The following NRXN1 variants were observed in gnomAD, a reference collection of about 807,000 sequenced individuals.
NRXN1 encodes neurexin 1.
A neutral mutation model predicts 150.9 loss-of-function variants in NRXN1; 39 were observed. That is an observed-to-expected ratio of 0.26 (90% CI 0.20 to 0.34). NRXN1 has a LOEUF of 0.34. Ranked by LOEUF, NRXN1 falls within the 10% of genes least tolerant of loss-of-function variation. The pLI is 1.00. For missense variants in NRXN1, 1,815 were observed against 1,949.9 expected (o/e 0.93, Z 1.30); for synonymous variants, 924 against 757.0 (o/e 1.22, Z -3.62).
At chr2:50,103,763 GA>G (rs1701285654) in intron 18 of NRXN1, among the ~76,000 whole-genome samples, 1 of 151,980 alleles carries the variant, frequency 6.6e-6, no homozygotes, top group Non-Finnish European at 1.5e-5. Flanking sequence ...TGTTTGCCTG[GA>G]AAAGCAAGAG....
intron 18 of NRXN1, among the ~76,000 whole-genome samples, chr2:50,109,124 G>A (rs1223433802): frequency 6.6e-6 from 1 of 152,010 alleles, no homozygotes; most frequent in African/African-American, 2.4e-5. Flanking sequence ...TCTGTGTGAT[G>A]GATACATTAA....
rs527579107 is a variant in NRXN1, at chr2:50,857,819, A to T, written c.832+64050T>A. ...ATAAAAGGCCTAATCAAAATAGATT[A>T]AAAAAAACAGACAATGGAATAAAAT... On this transcript the variant is annotated intron_variant, in intron 5 of 22. Coordinates refer to ENST00000401669, the MANE Select transcript of NRXN1 (RefSeq NM_001330078.2). Among the ~76,000 whole-genome samples, 398 of 66,790 alleles carry T rather than the reference A, an allele frequency of 6.0e-3. 2 individuals are homozygous for T. The highest frequency in any genetic ancestry group is 0.014 in the African/African-American group (370 of 27,050). The allele number at this position is 66,790 out of a possible 152,430, so 43.8% of individuals were successfully genotyped here.
At chr2:51,004,858 A>G (rs996561836) in intron 2 of NRXN1, among the ~76,000 whole-genome samples, 15 of 152,014 alleles carry the variant, frequency 9.9e-5, no homozygotes, top group African/African-American at 3.4e-4. Context: ...AAGTGTGCTT[A>G]GTAAGCACTG....
intron 5 of NRXN1, among the ~76,000 whole-genome samples, chr2:50,766,245 CT>C (rs1256014022): frequency 1.3e-5 from 2 of 151,996 alleles, no homozygotes; most frequent in Non-Finnish European, 2.9e-5. Context: ...GCTAAGCATT[CT>C]CCCCATGATT....
chr2:50,678,583 C>T (rs766949686), intron 5 of NRXN1, among the ~76,000 whole-genome samples: 11 of 152,268 alleles, frequency 7.2e-5, no homozygotes, highest in African/African-American at 1.9e-4. Context: ...TTTCTCGGCA[C>T]CGTTGACATT....
rs1409324320 is a variant in NRXN1 at position 50,373,291 on chromosome 2, TTTTTTATTATTA to T, written c.3364+92139_3364+92150del. ...TCCATATCAGATTTATTTTATTTTA[TTTTTTATTATTA>T]TTATTATTATTATTATTATTATTAT... is the stretch of plus-strand genomic sequence containing the variant. On this transcript the variant is annotated intron_variant, in intron 17 of 22. Transcript: ENST00000401669. Among the ~76,000 whole-genome samples, 159 of 38,786 alleles carry T rather than the reference TTTTTTATTATTA, an allele frequency of 4.1e-3. 4 individuals carry two copies. The East Asian group carries it at 0.14, about 33-fold the overall frequency. 25.4% of individuals were successfully genotyped at this position (38,786 alleles called of 152,430 possible). A position where few individuals can be genotyped will look rare whatever the true frequency, so the allele number is the denominator to read the frequency against.
At chr2:50,462,066 G>A (rs1369703524) in intron 17 of NRXN1, among the ~76,000 whole-genome samples, 2 of 151,894 alleles carry the variant, frequency 1.3e-5, no homozygotes, top group Non-Finnish European at 2.9e-5. Flanking sequence ...TGACTAACTT[G>A]GAGAGTAGTA....
chr2:51,025,832 C>T (rs1252379393), intron 2 of NRXN1, among the ~76,000 whole-genome samples: 1 of 152,130 alleles, frequency 6.6e-6, no homozygotes, highest in African/African-American at 2.4e-5. Context: ...TAGAAATGTA[C>T]TGTTAAAGCT....
chr2:50,970,204 G>A (rs1017926001), intron 2 of NRXN1, among the ~76,000 whole-genome samples: 5 of 152,140 alleles, frequency 3.3e-5, no homozygotes, highest in Non-Finnish European at 5.9e-5. Context: ...GAGAAAAAGG[G>A]TTCTAGTTTC....
chr2:49,976,004 C>T (rs1251845267), intron 21 of NRXN1, among the ~76,000 whole-genome samples: 2 of 147,378 alleles, frequency 1.4e-5, no homozygotes, highest in Non-Finnish European at 3.0e-5. Context: ...CAAATGATTG[C>T]ATATGCGGAA....
intron 5 of NRXN1, among the ~76,000 whole-genome samples, chr2:50,711,574 G>A (rs1695163235): frequency 6.6e-6 from 1 of 151,924 alleles, no homozygotes; most frequent in Non-Finnish European, 1.5e-5. Flanking sequence ...GACCTCAGAT[G>A]ATCCAGTCAC....
chr2:50,890,348 A>T (rs1361707206), intron 5 of NRXN1, among the ~76,000 whole-genome samples: 1 of 151,856 alleles, frequency 6.6e-6, no homozygotes, highest in Non-Finnish European at 1.5e-5. Flanking sequence ...CCCTTTAAAA[A>T]TCAACCACTC....
Position 50,794,858 on chromosome 2 carries a change from A to G in NRXN1, c.832+127011T>C, listed in dbSNP as rs1432861205. ...TTGAAACACAATTTTTTCATAGTCA[A>G]TATTATGGCTGAAAACATTTTTCAG... On this transcript the variant is annotated intron_variant, in intron 5 of 22. Transcript: ENST00000401669. 3.3e-5 allele frequency among the ~76,000 whole-genome samples: 5 copies of G among 152,250 alleles called. No individual in the cohort carries two copies. In the East Asian group the frequency reaches 9.7e-4, roughly 29 times the overall value.
At chr2:51,002,501 G>A (rs1700198800) in intron 2 of NRXN1, among the ~76,000 whole-genome samples, 2 of 151,858 alleles carry the variant, frequency 1.3e-5, no homozygotes, top group South Asian at 4.1e-4. Flanking sequence ...TAATGAATTT[G>A]TTAAAATGAC....
chr2:50,957,086 G>A (rs1002456027), intron 2 of NRXN1, among the ~76,000 whole-genome samples: 7 of 152,234 alleles, frequency 4.6e-5, no homozygotes, highest in Admixed American at 1.3e-4. Flanking sequence ...GGAATGTCAC[G>A]GTAGTGACTA....
At chr2:50,370,066 A>G (rs1353345010) in intron 17 of NRXN1, among the ~76,000 whole-genome samples, 1 of 152,010 alleles carries the variant, frequency 6.6e-6, no homozygotes, top group Non-Finnish European at 1.5e-5. Flanking sequence ...TTGAGACTCC[A>G]TTATCTACTC....
intron 17 of NRXN1, among the ~76,000 whole-genome samples, chr2:50,453,502 T>C (rs965741352): frequency 9.9e-5 from 15 of 152,214 alleles, no homozygotes; most frequent in African/African-American, 3.6e-4. Context: ...ATTTGTTCTG[T>C]TTCTGATGTT....
At chr2:50,809,758 A>T (rs1180638468) in intron 5 of NRXN1, among the ~76,000 whole-genome samples, 1 of 152,174 alleles carries the variant, frequency 6.6e-6, no homozygotes, top group Admixed American at 6.5e-5. Context: ...GATCAAGGTC[A>T]CTGACATGTT....
At chr2:49,986,791 T>A (rs1206679899) in intron 21 of NRXN1, among the ~76,000 whole-genome samples, 1 of 152,158 alleles carries the variant, frequency 6.6e-6, no homozygotes, top group Admixed American at 6.5e-5. Context: ...AGGTTGGGCA[T>A]GGTCACTCAC....
Sources: gnomAD v4.1 joint callset for allele counts (sites outside exome capture counted in the v4.1 genomes callset) on GRCh38, gnomAD v4.1.1 for gene constraint, MANE v1.5 for transcripts, NCBI Gene and HGNC (gene_info 2026-07-23, HGNC 2026-07-21) for gene names.